Variants in SAFB2 observed in about 807,000 individuals in gnomAD.
SAFB2 encodes the protein scaffold attachment factor B2.
A neutral mutation model predicts 100.6 loss-of-function variants in SAFB2; 32 were observed. That is an observed-to-expected ratio of 0.32 (90% CI 0.24 to 0.43). SAFB2 has a LOEUF of 0.43. Ranked by LOEUF, SAFB2 falls within the 20% of genes least tolerant of loss-of-function variation. The pLI is 1.00. For synonymous variants in SAFB2, 500 were observed against 439.4 expected (o/e 1.14, Z -1.72); for missense variants, 1,185 against 1,163.4 (o/e 1.02, Z -0.27).
chr19:5,594,261 T>G lies in SAFB2; in HGVS notation c.1920-83A>C, dbSNP rs76966699. The stretch of plus-strand genomic sequence containing the variant: ...CCGGTGCCCAAAACTGGGTGTGTAT[T>G]GGAAGCAGAAAAAAAAAATGGATCC... On this transcript the variant is annotated intron_variant, in intron 14 of 20. Transcript: ENST00000252542. 1.5e-4 allele frequency: 213 copies of G among 1,430,946 alleles called. No individual in the cohort carries two copies. The East Asian group carries it at 5.0e-3, about 34-fold the overall frequency. The allele number at this position is 1,430,946 out of a possible 1,614,324, so 88.6% of individuals were successfully genotyped here. A position where few individuals can be genotyped will look rare whatever the true frequency, so the allele number is the denominator to read the frequency against.
intron 6 of SAFB2, 86 bp downstream of exon 6, chr19:5,612,454 C>G: frequency 7.9e-7 from 1 of 1,266,608 alleles, no homozygotes; most frequent in East Asian, 2.3e-5. Flanking sequence ...TTTACAAGAT[C>G]ATAACACAGC....
chr19:5,621,488 A>C, intron 1 of SAFB2, 92 bp from the exon 2 acceptor site: 3 of 875,384 alleles, frequency 3.4e-6, no homozygotes, highest in Non-Finnish European at 3.8e-6. Flanking sequence ...AAACAAAGGC[A>C]AACCCGTCCT....
intron 12 of SAFB2, among the ~76,000 whole-genome samples, 169 bp downstream of exon 12, chr19:5,599,961 C>G (rs1007062910): frequency 1.3e-5 from 2 of 152,148 alleles, no homozygotes; most frequent in African/African-American, 4.8e-5. Flanking sequence ...GTTGTATGGA[C>G]ACTCCTTTAA....
Position 5,587,397 on chromosome 19 carries a change from C to T in SAFB2, c.2708G>A (p.Arg903Gln), listed in dbSNP as rs148112097. The change falls in exon 21 of 21, where the codon CGA (arginine) becomes CAA (glutamine). Residue 903 changes from arginine (R) to glutamine (Q), a missense_variant and splice_region_variant. Transcript: ENST00000252542. The surrounding 1 kb of genome is among the most constrained non-coding windows in gnomAD (Gnocchi z 4.9). Reference protein sequence around the residue: ...HMASRGGVAGRGGFAQGGHSQ... With the variant: ...HMASRGGVAGQGGFAQGGHSQ... ...ATGTCCACCTTGTGCAAAGCCGCCT[C>T]GCCTAGGAACAAAGTCAGACAATTT... The T allele has an allele frequency of 1.4e-5, 23 of 1,609,836 alleles. No homozygotes were observed. The highest frequency in any genetic ancestry group is 1.0e-4 in the Admixed American group (6 of 59,346).
At chr19:5,617,533 AT>A (rs2053058031) in intron 2 of SAFB2, among the ~76,000 whole-genome samples, 1 of 152,164 alleles carries the variant, frequency 6.6e-6, no homozygotes, top group South Asian at 2.1e-4. Context: ...TATCTGTCCT[AT>A]TATACCTGTT....
Position 5,598,802 on chromosome 19 carries a change from G to A in SAFB2, c.1773C>T (p.Ser591=). The part of the protein sequence containing the change: ...PVISVKTTSR[S]KERSSKSQDR... ...CAGAGGCAATACTCACTCTCTCTTT[G>A]GACCTGCTTGTGGTTTTCACGCTAA... is the stretch of plus-strand genomic sequence containing the variant. Residue 591 remains serine (S), a synonymous_variant, in exon 13 of 21, where the codon TCC becomes TCT. Transcript: ENST00000252542. The A allele has an allele frequency of 6.2e-7, 1 of 1,614,092 alleles. No homozygotes were observed. The highest frequency in any genetic ancestry group is 8.5e-7 in the Non-Finnish European group (1 of 1,179,974).
intron 15 of SAFB2, among the ~76,000 whole-genome samples, chr19:5,593,292 A>G (rs1274122084): frequency 1.3e-5 from 2 of 152,200 alleles, no homozygotes; most frequent in Non-Finnish European, 2.9e-5. Context: ...TGCAAAAGCA[A>G]AGAGAATTAG....
At chr19:5,595,564 G>A in intron 13 of SAFB2, 67 bp from the exon 14 acceptor site, 1 of 1,573,046 alleles carries the variant, frequency 6.4e-7, no homozygotes, top group Non-Finnish European at 8.6e-7. Flanking sequence ...TGGAGATTAT[G>A]CACGTGTGCA....
chr19:5,592,026 G>A (rs974768272), intron 16 of SAFB2, among the ~76,000 whole-genome samples: 5 of 152,110 alleles, frequency 3.3e-5, no homozygotes, highest in African/African-American at 9.7e-5. Flanking sequence ...AAAATTCCTC[G>A]GGGAGCTCTC....
chr19:5,621,256 C>T lies in SAFB2; in HGVS notation c.274+53G>A, dbSNP rs542984863. 26 of 1,194,944 alleles carry T rather than the reference C, an allele frequency of 2.2e-5. No homozygotes were observed. The East Asian group carries it at 4.9e-4, about 23-fold the overall frequency. 74.0% of individuals were successfully genotyped at this position (1,194,944 alleles called of 1,614,324 possible). On this transcript the variant is annotated intron_variant, in intron 2 of 20. Transcript: ENST00000252542. Reference sequence around the variant, plus strand: ...AAGGCGGGAAGAGCACACTACACACCATTTCTCTAAATTCTCTGAACACTC... The same window carrying T: ...AAGGCGGGAAGAGCACACTACACACTATTTCTCTAAATTCTCTGAACACTC...
At chr19:5,614,340 C>A (rs967505184) in intron 4 of SAFB2, among the ~76,000 whole-genome samples, 2 of 152,208 alleles carry the variant, frequency 1.3e-5, no homozygotes, top group African/African-American at 2.4e-5. Context: ...ACTGTTAACA[C>A]CAAGTTTTAC....
chr19:5,610,004 C>T lies in SAFB2; in HGVS notation c.1287G>A (p.Lys429=), dbSNP rs1350521222. ...GCAAGGGAAGGCATACCTTCCCATA[C>T]TTGCTGAAAAGGTTCTTGAGATCCG... ...RATDLKNLFS[K]YGKVVGAKVV... Residue 429 remains lysine (K), a synonymous_variant, in exon 9 of 21, where the codon AAG becomes AAA. Transcript: ENST00000252542. 5 of 1,613,868 alleles carry T rather than the reference C, an allele frequency of 3.1e-6. No individual in the cohort carries two copies. The highest frequency in any genetic ancestry group is 3.4e-6 in the Non-Finnish European group (4 of 1,179,918).
Position 5,587,635 on chromosome 19 carries a change from G to T in SAFB2, c.2705+66C>A. 6.7e-7 allele frequency: 1 copy of T among 1,483,250 alleles called. No individual in the cohort carries two copies. Among genetic ancestry groups the T allele is most frequent in the Non-Finnish European group, 9.0e-7 (1 of 1,109,178 alleles). 91.9% of individuals were successfully genotyped at this position (1,483,250 alleles called of 1,614,324 possible). A position where few individuals can be genotyped will look rare whatever the true frequency, so the allele number is the denominator to read the frequency against. On this transcript the variant is annotated intron_variant, in intron 20 of 20. Coordinates refer to ENST00000252542, the MANE Select transcript of SAFB2 (RefSeq NM_014649.3). This position sits in a 1 kb window ranked among gnomAD's most constrained non-coding sequence, Gnocchi z 4.9. The stretch of plus-strand genomic sequence containing the variant: ...CCAACCCAGCCAGCTGATCAAACAT[G>T]CAAAAAAGGGAGAGGAAGTGAGGAG...
In SAFB2 at chr19:5,606,150, A is replaced by G. The variant is rs149217787; in HGVS notation, c.1297-1214T>C. Among the ~76,000 whole-genome samples, 393 of 152,348 alleles carry G rather than the reference A, an allele frequency of 2.6e-3. 7 individuals are homozygous for G. The highest frequency in any genetic ancestry group is 0.025 in the East Asian group (132 of 5,178). ...TGGTAATTCACGGGCCATCAGACCC[A>G]CTACTCAGAGGGCACTGCCCAGTGG... On this transcript the variant is annotated intron_variant, in intron 9 of 20. Coordinates refer to ENST00000252542, the MANE Select transcript of SAFB2 (RefSeq NM_014649.3).
rs910723990 is a variant in SAFB2 at position 5,587,131 on chromosome 19, C to G, written c.*112G>C. ...GAGTTCACATTGTATTGAGCTACAA[C>G]ATGGTGGCAGGATTTACTTTGCTTT... On this transcript the variant is annotated 3_prime_UTR_variant, in exon 21 of 21. Transcript: ENST00000252542. The surrounding 1 kb of genome is among the most constrained non-coding windows in gnomAD (Gnocchi z 4.9). 1.4e-6 allele frequency: 2 copies of G among 1,383,606 alleles called. No homozygotes were observed. Among genetic ancestry groups the G allele is most frequent in the Non-Finnish European group, 2.0e-6 (2 of 1,006,960 alleles). The allele number at this position is 1,383,606 out of a possible 1,614,324, so 85.7% of individuals were successfully genotyped here.
At position 5,595,342 on chromosome 19, in the gene SAFB2, C is replaced by T; in HGVS notation, c.1919+19G>A. On this transcript the variant is annotated intron_variant, in intron 14 of 20. Coordinates refer to ENST00000252542, the MANE Select transcript of SAFB2 (RefSeq NM_014649.3). ...CGAGAGGAAACCACCAGCCCACAGC[C>T]TCACCCAGCTCCACTCACCGCCGCC... The T allele has an allele frequency of 1.2e-6, 2 of 1,605,256 alleles. No individual in the cohort carries two copies. The highest frequency in any genetic ancestry group is 1.7e-6 in the Non-Finnish European group (2 of 1,179,422).
Position 5,615,346 on chromosome 19 carries a change from C to G in SAFB2, c.543+786G>C, listed in dbSNP as rs562935322. ...CTCCAGCCTGGGTGACTGAGAGAGACTCTGTCTCAAAAACAAACAAACAAA... is the reference window on the plus strand; with the variant it reads ...CTCCAGCCTGGGTGACTGAGAGAGAGTCTGTCTCAAAAACAAACAAACAAA... On this transcript the variant is annotated intron_variant, in intron 4 of 20. Coordinates refer to ENST00000252542, the MANE Select transcript of SAFB2 (RefSeq NM_014649.3). Among the ~76,000 whole-genome samples, 23 of 152,094 alleles carry G rather than the reference C, an allele frequency of 1.5e-4. No homozygotes were observed. The South Asian group carries it at 4.6e-3, about 30-fold the overall frequency.
chr19:5,598,927 C>T (rs1016128704), intron 12 of SAFB2, 43 bp from the exon 13 acceptor site: 3 of 1,585,068 alleles, frequency 1.9e-6, no homozygotes, highest in South Asian at 1.1e-5. Context: ...CTGTGGACGC[C>T]CCAACTTCCC....
chr19:5,587,370 G>C lies in SAFB2; in HGVS notation c.2735C>G (p.Ser912Cys), dbSNP rs748194461. The C allele has an allele frequency of 7.4e-6, 12 of 1,612,988 alleles. No individual in the cohort carries two copies. Among genetic ancestry groups the C allele is most frequent in the Middle Eastern group, 1.6e-4 (1 of 6,062 alleles). ...GCCACCTGGCACCACGTGGCCCTGGGAATGTCCACCTTGTGCAAAGCCGCC... is the reference window on the plus strand; with the variant it reads ...GCCACCTGGCACCACGTGGCCCTGGCAATGTCCACCTTGTGCAAAGCCGCC... ...GRGGFAQGGH[S>C]QGHVVPGGGL... The change falls in exon 21 of 21, where the codon TCC becomes TGC. Residue 912 changes from serine (S) to cysteine (C), a missense_variant. This residue lies in a region of SAFB2 where 740 missense variants were observed against 687.1 expected (regional missense o/e 1.08). Transcript: ENST00000252542. This position sits in a 1 kb window ranked among gnomAD's most constrained non-coding sequence, Gnocchi z 4.9.
Sources: gnomAD v4.1 joint callset for allele counts (sites outside exome capture counted in the v4.1 genomes callset) on GRCh38, gnomAD v4.1.1 for gene constraint, gnomAD v4.1.1 regional missense constraint, Gnocchi (gnomAD v3.1) non-coding constraint, MANE v1.5 for transcripts, NCBI Gene and HGNC (gene_info 2026-07-23, HGNC 2026-07-21) for gene names.